The following MOCS1 variants were observed in gnomAD, a reference collection of about 807,000 sequenced individuals.
MOCS1 encodes the protein molybdenum cofactor synthesis 1.
Under a neutral mutation model 57.6 loss-of-function variants are expected in MOCS1, and 39 were observed. The ratio of observed to expected loss-of-function variants is 0.68; its 90% CI spans 0.52 to 0.88. The LOEUF is 0.88. Ranked by LOEUF, MOCS1 falls within the 40% of genes least tolerant of loss-of-function variation. MOCS1 has a pLI of 0.00. For synonymous variants in MOCS1, 334 were observed against 335.7 expected (o/e 1.00, Z 0.05); for missense variants, 795 against 831.1 (o/e 0.96, Z 0.53).
intron 7 of MOCS1, 96 bp from the exon 8 acceptor site, chr6:39,912,470 C>A: frequency 2.2e-6 from 2 of 909,438 alleles, no homozygotes; most frequent in Admixed American, 1.8e-5. Context: ...CACTCCTCAA[C>A]CCTCTCCCAG....
Position 39,909,121 on chromosome 6 carries a change from G to T in MOCS1, c.1103-19C>A, listed in dbSNP as rs1767140662. The T allele has an allele frequency of 1.9e-6, 3 of 1,593,740 alleles. No homozygotes were observed. The highest frequency in any genetic ancestry group is 1.7e-6 in the Non-Finnish European group (2 of 1,165,978). On this transcript the variant is annotated intron_variant, in intron 9 of 10. Transcript: ENST00000340692. Reference sequence around the variant, plus strand: ...AACATGCCTGGGGTGAGGGAAAGATGGGGAGGGAGAGGAAAGCAGGGGAGG... The same window carrying T: ...AACATGCCTGGGGTGAGGGAAAGATTGGGAGGGAGAGGAAAGCAGGGGAGG...
At position 39,931,376 on chromosome 6, in the gene MOCS1, G is replaced by A. The variant is rs547934573; in HGVS notation, c.123+2919C>T. On this transcript the variant is annotated intron_variant, in intron 1 of 10. Transcript: ENST00000340692. Reference sequence around the variant, plus strand: ...GCAGGGTTATTCGAGAGGAAAAAAAGCACATTCCAAATCTAAGTATCGTGG... The same window carrying A: ...GCAGGGTTATTCGAGAGGAAAAAAAACACATTCCAAATCTAAGTATCGTGG... Among the ~76,000 whole-genome samples the A allele has an allele frequency of 2.5e-4, 35 of 138,052 alleles. No individual in the cohort carries two copies. The South Asian group carries it at 8.7e-3, about 34-fold the overall frequency. 90.6% of individuals were successfully genotyped at this position (138,052 alleles called of 152,430 possible).
At chr6:39,912,817 C>T in intron 7 of MOCS1, 75 bp downstream of exon 7, 2 of 1,144,186 alleles carry the variant, frequency 1.7e-6, no homozygotes, top group Non-Finnish European at 2.7e-6. Flanking sequence ...CAGTGCAGCT[C>T]CCTGCTAGCT....
chr6:39,925,769 G>A lies in MOCS1; in HGVS notation c.327C>T (p.Thr109=). 1 of 1,612,864 alleles carries A rather than the reference G, an allele frequency of 6.2e-7. No individual in the cohort carries two copies. Among genetic ancestry groups the A allele is most frequent in the Non-Finnish European group, 8.5e-7 (1 of 1,179,992 alleles). ...ANLLTTEEIL[T]LARLFVKEGI... is the part of the protein sequence containing the mutation. Reference sequence around the variant, plus strand: ...CTTCCTTCACAAAGAGCCGGGCGAGGGTCAGGATCTCCTCTGTGGTCAGCA... The same window carrying A: ...CTTCCTTCACAAAGAGCCGGGCGAGAGTCAGGATCTCCTCTGTGGTCAGCA... The change falls in exon 3 of 11, where the codon ACC becomes ACT. Residue 109 remains threonine, a synonymous_variant. Transcript: ENST00000340692.
At chr6:39,908,653 C>T (rs1334911411) in intron 10 of MOCS1, among the ~76,000 whole-genome samples, 1 of 152,178 alleles carries the variant, frequency 6.6e-6, no homozygotes, top group Non-Finnish European at 1.5e-5. Flanking sequence ...GGTCCAGATA[C>T]ACCGTGCATG....
chr6:39,918,177 A>G (rs1472064467), intron 3 of MOCS1, among the ~76,000 whole-genome samples: 1 of 152,222 alleles, frequency 6.6e-6, no homozygotes, highest in East Asian at 1.9e-4. Flanking sequence ...CTACATGGAC[A>G]GTGCCACTGA....
At position 39,906,644 on chromosome 6, in the gene MOCS1, G is replaced by T. The variant is rs373732523; in HGVS notation, c.1624C>A (p.Gln542Lys). 3 of 1,613,776 alleles carry T rather than the reference G, an allele frequency of 1.9e-6. No homozygotes were observed. Among genetic ancestry groups the T allele is most frequent in the Non-Finnish European group, 2.5e-6 (3 of 1,180,052 alleles). ...ALVVAQLAGV[Q>K]AAKVTSQLIP... The stretch of plus-strand genomic sequence containing the variant: ...AGCTGGCTGGTCACCTTGGCTGCCT[G>T]GACTCCAGCCAGCTGGGCCACCACT... Residue 542 changes from glutamine (Q) to lysine (K), a missense_variant, in exon 11 of 11, where the codon CAG (glutamine) becomes AAG (lysine). Coordinates refer to ENST00000340692, the MANE Select transcript of MOCS1 (RefSeq NM_001358530.2).
intron 1 of MOCS1, chr6:39,932,281 A>C (rs2475508): frequency 0.35 from 53,615 of 152,098 alleles, 9,997 homozygotes; most frequent in South Asian, 0.48. Flanking sequence ...GATGAGCAGA[A>C]CATATCCATT....
rs769378717 is a variant in MOCS1 at position 39,912,899 on chromosome 6, G to A, written c.863C>T (p.Thr288Ile). 1.2e-5 allele frequency: 20 copies of A among 1,613,960 alleles called. No homozygotes were observed. The highest frequency in any genetic ancestry group is 1.5e-5 in the Non-Finnish European group (18 of 1,179,854). Residue 288 changes from threonine to isoleucine, a missense_variant, in exon 7 of 11, where the codon ACA becomes ATA. Thr to Ile is a moderately conservative substitution (Grantham distance 89). This residue lies in a region of MOCS1 where 416 missense variants were observed against 392.4 expected (regional missense o/e 1.06). Coordinates refer to ENST00000340692, the MANE Select transcript of MOCS1 (RefSeq NM_001358530.2). ...LEKVPEEESS[T>I]AKAFKIPGFQ... The stretch of plus-strand genomic sequence containing the variant: ...ACCCTCCTGCTCCCTAACCTTGGCT[G>A]TGCTGGATTCCTCCTCTGGCACCTT...
At position 39,913,529 on chromosome 6, in the gene MOCS1, G is replaced by A. The variant is rs185723914; in HGVS notation, c.646-101C>T. 2.6e-4 allele frequency: 284 copies of A among 1,072,242 alleles called. 1 individual carries two copies. In the East Asian group the frequency reaches 6.7e-3, roughly 25 times the overall value. 66.4% of individuals were successfully genotyped at this position (1,072,242 alleles called of 1,614,324 possible). A position where few individuals can be genotyped will look rare whatever the true frequency, so the allele number is the denominator to read the frequency against. On this transcript the variant is annotated intron_variant, in intron 5 of 10. Transcript: ENST00000340692. ...CACTCACTGAGGCCTTCCACTCAGG[G>A]ACCCATTCCTTGCTTCTCCCACTCA...
At chr6:39,932,987 T>C (rs1237172415) in intron 1 of MOCS1, among the ~76,000 whole-genome samples, 1 of 152,124 alleles carries the variant, frequency 6.6e-6, no homozygotes, top group Non-Finnish European at 1.5e-5. Flanking sequence ...ACCCCTCCCT[T>C]CACAGTGTAA....
At chr6:39,923,780 T>C (rs1334440874) in intron 3 of MOCS1, among the ~76,000 whole-genome samples, 1 of 152,338 alleles carries the variant, frequency 6.6e-6, no homozygotes, top group East Asian at 1.9e-4. Flanking sequence ...AGAAGAGGGC[T>C]GTCAGGGGGA....
At chr6:39,932,468 T>G (rs1320126148) in intron 1 of MOCS1, 1 of 152,218 alleles carries the variant, frequency 6.6e-6, no homozygotes, top group East Asian at 1.9e-4. Flanking sequence ...GGACTCCCTG[T>G]CCAGTGTGGT....
Position 39,906,379 on chromosome 6 carries a change from C to G in MOCS1, c.1889G>C (p.Arg630Pro), listed in dbSNP as rs375813466. The change falls in exon 11 of 11, where the codon CGG (arginine) becomes CCG (proline). Residue 630 changes from arginine (R) to proline (P), a missense_variant. Arg to Pro is a moderately radical substitution (Grantham distance 103). Coordinates refer to ENST00000340692, the MANE Select transcript of MOCS1 (RefSeq NM_001358530.2). ...IKLISKTGGQRGDFHRA is the reference protein window; with the variant it reads ...IKLISKTGGQPGDFHRA ...GTGCTAAGCCCGATGGAAGTCCCCC[C>G]GCTGACCACCAGTCTTGCTAATGAG... 24 of 1,596,288 alleles carry G rather than the reference C, an allele frequency of 1.5e-5. No individual in the cohort carries two copies. Among genetic ancestry groups the G allele is most frequent in the South Asian group, 6.7e-5 (6 of 89,576 alleles).
At position 39,904,555 on chromosome 6, in the gene MOCS1, A is replaced by C. The variant is rs757781384; in HGVS notation, c.*1802T>G. 2.2e-6 allele frequency: 1 copy of C among 453,454 alleles called. No individual in the cohort carries two copies. The highest frequency in any genetic ancestry group is 2.0e-5 in the African/African-American group (1 of 49,512). 28.1% of individuals were successfully genotyped at this position (453,454 alleles called of 1,614,324 possible). ...TCAACCTAACAAACACAACCTTCTC[A>C]GCAGCATTTCTCCCCTGTGATGGAA... On this transcript the variant is annotated 3_prime_UTR_variant, in exon 11 of 11. Transcript: ENST00000340692.
In MOCS1 at chr6:39,918,404, C is replaced by T. The variant is rs1047881515; in HGVS notation, c.419-2172G>A. Among the ~76,000 whole-genome samples the T allele has an allele frequency of 2.0e-5, 3 of 152,220 alleles. No individual in the cohort carries two copies. In the South Asian group the frequency reaches 6.2e-4, roughly 31 times the overall value. ...CACAATCATGGTGTAAGAATAAAAT[C>T]ATATAATCTTTCTGGAGAGAAGTTG... On this transcript the variant is annotated intron_variant, in intron 3 of 10. Coordinates refer to ENST00000340692, the MANE Select transcript of MOCS1 (RefSeq NM_001358530.2).
Position 39,904,764 on chromosome 6 carries a change from A to C in MOCS1, c.*1593T>G, listed in dbSNP as rs1766728046. 1.5e-5 allele frequency: 7 copies of C among 454,002 alleles called. No homozygotes were observed. Among genetic ancestry groups the C allele is most frequent in the South Asian group, 1.1e-4 (7 of 64,472 alleles). The allele number at this position is 454,002 out of a possible 1,614,324, so 28.1% of individuals were successfully genotyped here. A position where few individuals can be genotyped will look rare whatever the true frequency, so the allele number is the denominator to read the frequency against. On this transcript the variant is annotated 3_prime_UTR_variant, in exon 11 of 11. Transcript: ENST00000340692. ...TTCTCACCAGCTGCCTCAGATGACAAATGAGGCTAATGGACATAATCTACA... is the reference window on the plus strand; with the variant it reads ...TTCTCACCAGCTGCCTCAGATGACACATGAGGCTAATGGACATAATCTACA...
Position 39,905,176 on chromosome 6 carries a change from G to GAACT in MOCS1, c.*1177_*1180dup, listed in dbSNP as rs1418202820. 2 of 454,202 alleles carry GAACT rather than the reference G, an allele frequency of 4.4e-6. No individual in the cohort carries two copies. The highest frequency in any genetic ancestry group is 1.4e-4 in the East Asian group (2 of 14,408). The allele number at this position is 454,202 out of a possible 1,614,324, so 28.1% of individuals were successfully genotyped here. On this transcript the variant is annotated 3_prime_UTR_variant, in exon 11 of 11. Transcript: ENST00000340692. ...CCAAGTTAGAGAGCCCAGCAGGCCAGAACTGTGTGTGTTTGGGATGTGAGA... is the reference window on the plus strand; with the variant it reads ...CCAAGTTAGAGAGCCCAGCAGGCCAGAACTAACTGTGTGTGTTTGGGATGTGAGA...
chr6:39,920,744 C>G (rs1175448047), intron 3 of MOCS1, among the ~76,000 whole-genome samples: 1 of 151,986 alleles, frequency 6.6e-6, no homozygotes, highest in African/African-American at 2.4e-5. Context: ...TTTGGGAGGC[C>G]AGGGCAGGAG....
Sources: gnomAD v4.1 joint callset for allele counts (sites outside exome capture counted in the v4.1 genomes callset) on GRCh38, gnomAD v4.1.1 for gene constraint, gnomAD v4.1.1 regional missense constraint, MANE v1.5 for transcripts, NCBI Gene and HGNC (gene_info 2026-07-23, HGNC 2026-07-21) for gene names.